PTPN21: variants seen among roughly 807,000 people sequenced by gnomAD.
PTPN21 encodes the protein protein tyrosine phosphatase non-receptor type 21, also known as tyrosine-protein phosphatase non-receptor type 21.
Under a neutral mutation model 131.8 loss-of-function variants are expected in PTPN21, and 77 were observed. The observed-to-expected ratio is 0.58, with a 90% CI of 0.49 to 0.71. The LOEUF is 0.71. Ranked by LOEUF, PTPN21 falls within the 30% of genes least tolerant of loss-of-function variation. PTPN21 has a pLI of 0.00. For synonymous variants in PTPN21, 715 were observed against 621.3 expected, an observed-to-expected ratio of 1.15 and a Z score of -2.24; for missense variants, 1,552 against 1,527.1, an observed-to-expected ratio of 1.02 and a Z score of -0.27.
Position 88,480,337 on chromosome 14 carries a change from G to C in PTPN21, c.1094C>G (p.Pro365Arg). Reference sequence around the variant, plus strand: ...GTGACAGTAGTATCCGTTCTGGTTGGGCACAAAGAGGTTATCTAGAAAAAA... The same window carrying C: ...GTGACAGTAGTATCCGTTCTGGTTGCGCACAAAGAGGTTATCTAGAAAAAA... ...YASSQDNLFV[P>R]NQNGYYCHSQ... The change falls in exon 13 of 19, where the codon CCC becomes CGC. Residue 365 changes from proline (P) to arginine (R), a missense_variant. Physicochemically the swap from Pro to Arg is moderately radical, Grantham distance 103. Around this residue, in one of 4 missense-constraint regions of PTPN21, gnomAD observed 1,016 missense variants for 883.5 expected, o/e 1.15. Transcript: ENST00000556564. The C allele has an allele frequency of 6.2e-7, 1 of 1,609,420 alleles. No individual in the cohort carries two copies. The highest frequency in any genetic ancestry group is 8.5e-7 in the Non-Finnish European group (1 of 1,176,858).
Position 88,469,016 on chromosome 14 carries a change from C to T in PTPN21, c.3296G>A (p.Ser1099Asn), listed in dbSNP as rs61746983. The change falls in exon 18 of 19, where the codon AGC becomes AAC. Residue 1099 changes from serine to asparagine, a missense_variant. Around this residue, in one of 4 missense-constraint regions of PTPN21, gnomAD observed 316 missense variants for 378.5 expected, o/e 0.83. Coordinates refer to ENST00000556564, the MANE Select transcript of PTPN21 (RefSeq NM_007039.4). The surrounding 1 kb of genome is among the most constrained non-coding windows in gnomAD (Gnocchi z 4.3). ...GTGGACCAACAACGGAGGGTTGGGG[C>T]TTTGGGGATCACTTGTGCTATTTGT... Reference protein sequence around the residue: ...RHTNSTSDPQSPNPPLLVHCS... With the variant: ...RHTNSTSDPQNPNPPLLVHCS... The T allele has an allele frequency of 1.4e-3, 2,330 of 1,614,178 alleles. 17 individuals carry two copies. The African/African-American group carries it at 0.028, about 19-fold the overall frequency.
Position 88,550,320 on chromosome 14 carries a change from T to C in PTPN21, c.98A>G (p.Glu33Gly). Residue 33 changes from glutamate to glycine, a missense_variant, in exon 2 of 19, where the codon GAG (glutamate) becomes GGG (glycine). By Grantham distance (98) the Glu-to-Gly change is moderately conservative. Transcript: ENST00000556564. ...CACGGACAGGGTGAACTCCACAAAC[T>C]CGTTATTAAGCAGTTGGATCCGGGC... ...LVARIQLLNNEFVEFTLSVES... is the reference protein window; with the variant it reads ...LVARIQLLNNGFVEFTLSVES... The C allele has an allele frequency of 6.2e-7, 1 of 1,614,104 alleles. No homozygotes were observed. The highest frequency in any genetic ancestry group is 8.5e-7 in the Non-Finnish European group (1 of 1,180,014).
intron 2 of PTPN21, among the ~76,000 whole-genome samples, chr14:88,524,207 C>T (rs1027148305): frequency 6.6e-6 from 1 of 152,174 alleles, no homozygotes; most frequent in African/African-American, 2.4e-5. Flanking sequence ...GGAGGACTCA[C>T]ACTTCCTTGT....
At chr14:88,541,288 A>G (rs1452699442) in intron 2 of PTPN21, among the ~76,000 whole-genome samples, 1 of 152,230 alleles carries the variant, frequency 6.6e-6, no homozygotes, top group Non-Finnish European at 1.5e-5. Flanking sequence ...CTGTCAATTC[A>G]TTAAAAGATA....
intron 13 of PTPN21, among the ~76,000 whole-genome samples, chr14:88,474,129 T>TC (rs1320334281): frequency 2.3e-4 from 9 of 39,376 alleles, no homozygotes; most frequent in African/African-American, 6.7e-4. Context: ...TCAGCTGAAG[T>TC]CCAAAAAAAA....
At chr14:88,501,075 T>C in intron 7 of PTPN21, 1 of 648,898 alleles carries the variant, frequency 1.5e-6, no homozygotes, top group South Asian at 2.0e-5. Context: ...TTAGGAACTC[T>C]ATTTCAAGAC....
At chr14:88,527,811 C>T (rs1251319825) in intron 2 of PTPN21, among the ~76,000 whole-genome samples, 1 of 151,998 alleles carries the variant, frequency 6.6e-6, no homozygotes, top group Admixed American at 6.6e-5. Context: ...TCTTTGATCC[C>T]ACTTGAGTTG....
chr14:88,539,750 C>T (rs1158181884), intron 2 of PTPN21, among the ~76,000 whole-genome samples: 3 of 152,162 alleles, frequency 2.0e-5, no homozygotes, highest in Non-Finnish European at 2.9e-5. Context: ...TAGCATCATA[C>T]AGAGAAATCT....
rs2078046187 is a variant in PTPN21 at position 88,503,687 on chromosome 14, AG to A, written c.587+737del. The stretch of plus-strand genomic sequence containing the variant: ...GTTCTGAGAACACGTAGGGTAGGTT[AG>A]GGTAAGCTATGATGTTCAGCAGGAC... On this transcript the variant is annotated intron_variant, in intron 6 of 18. Transcript: ENST00000556564. 2.0e-5 allele frequency among the ~76,000 whole-genome samples: 3 copies of A among 152,308 alleles called. No homozygotes were observed. The South Asian group carries it at 6.2e-4, about 32-fold the overall frequency.
intron 2 of PTPN21, among the ~76,000 whole-genome samples, chr14:88,534,537 TAA>T (rs1396726705): frequency 2.6e-5 from 4 of 152,300 alleles, no homozygotes; most frequent in Middle Eastern, 3.4e-3. Context: ...TTTAAAAATT[TAA>T]AAGTTTGTAA....
At chr14:88,473,632 G>A (rs981519538) in intron 14 of PTPN21, 33 bp downstream of exon 14, 2 of 1,584,914 alleles carry the variant, frequency 1.3e-6, no homozygotes, top group Non-Finnish European at 1.7e-6. Flanking sequence ...TTGTTCCAGA[G>A]AAGGCACAAA....
At chr14:88,514,863 G>A (rs2078242849) in intron 3 of PTPN21, 1 of 152,004 alleles carries the variant, frequency 6.6e-6, no homozygotes, top group Non-Finnish European at 1.5e-5. Flanking sequence ...AATTTCAAGT[G>A]TACAATTTAG....
chr14:88,489,886 A>G (rs1010182233), intron 10 of PTPN21, among the ~76,000 whole-genome samples: 4 of 152,076 alleles, frequency 2.6e-5, no homozygotes, highest in Non-Finnish European at 1.5e-5. Context: ...CCTTAGGTGT[A>G]GCTTCCTGGC....
intron 10 of PTPN21, among the ~76,000 whole-genome samples, chr14:88,495,997 T>C (rs958746500): frequency 1.3e-5 from 2 of 152,166 alleles, no homozygotes; most frequent in Admixed American, 1.3e-4. Flanking sequence ...GACAATATTT[T>C]ATATGTGCAA....
At chr14:88,521,134 G>A (rs957724465) in intron 2 of PTPN21, among the ~76,000 whole-genome samples, 21 of 151,882 alleles carry the variant, frequency 1.4e-4, no homozygotes, top group African/African-American at 4.4e-4. Context: ...GTGTGCCACT[G>A]TGCCAGCCTG....
At chr14:88,548,925 G>C (rs1028925178) in intron 2 of PTPN21, among the ~76,000 whole-genome samples, 1 of 152,188 alleles carries the variant, frequency 6.6e-6, no homozygotes, top group Non-Finnish European at 1.5e-5. Flanking sequence ...AGTTAGCAGA[G>C]CTTACAACCT....
At chr14:88,511,661 A>G (rs1281703965) in intron 3 of PTPN21, among the ~76,000 whole-genome samples, 1 of 152,182 alleles carries the variant, frequency 6.6e-6, no homozygotes, top group Non-Finnish European at 1.5e-5. Context: ...AAGCAACAAG[A>G]AGAATGAAAT....
chr14:88,516,359 G>A (rs552777176), intron 3 of PTPN21, among the ~76,000 whole-genome samples: 2 of 151,976 alleles, frequency 1.3e-5, no homozygotes, highest in African/African-American at 4.8e-5. Flanking sequence ...CATGTTTCGG[G>A]CCCTTGAAGT....
intron 2 of PTPN21, among the ~76,000 whole-genome samples, chr14:88,549,594 GT>G (rs201186930): frequency 0.014 from 2,186 of 151,708 alleles, 41 homozygotes; most frequent in African/African-American, 0.043. Context: ...AGCCTGTCGT[GT>G]TTTTTTTATT....
Sources: allele counts gnomAD v4.1 joint callset (sites outside exome capture counted in the v4.1 genomes callset), GRCh38; gene constraint gnomAD v4.1.1; regional missense constraint gnomAD v4.1.1; non-coding constraint Gnocchi (gnomAD v3.1); transcripts MANE v1.5; gene names NCBI Gene and HGNC (gene_info 2026-07-23, HGNC 2026-07-21).